GLCE: variants seen among roughly 807,000 people sequenced by gnomAD.
The protein encoded by GLCE is glucuronic acid epimerase.
A neutral mutation model predicts 47.9 loss-of-function variants in GLCE; 19 were observed. The observed-to-expected ratio is 0.40, with a 90% CI of 0.28 to 0.58. The LOEUF is 0.58. Ranked by LOEUF, GLCE falls within the 20% of genes least tolerant of loss-of-function variation. The pLI is 0.48. For synonymous variants in GLCE, 245 were observed against 263.4 expected (o/e 0.93, Z 0.68); for missense variants, 556 against 743.3 (o/e 0.75, Z 2.93).
intron 2 of GLCE, among the ~76,000 whole-genome samples, chr15:69,233,837 T>A (rs968873173): frequency 2.6e-5 from 4 of 152,312 alleles, no homozygotes; most frequent in Middle Eastern, 3.4e-3. Flanking sequence ...ATAATTTAAA[T>A]TCTGTCTTAA....
At chr15:69,210,630 C>T (rs1017881405) in intron 2 of GLCE, among the ~76,000 whole-genome samples, 1 of 152,036 alleles carries the variant, frequency 6.6e-6, no homozygotes, top group Non-Finnish European at 1.5e-5. Context: ...TTCATGGTTT[C>T]TTTACCACTT....
At chr15:69,185,445 A>G (rs915197065) in intron 1 of GLCE, among the ~76,000 whole-genome samples, 3 of 152,090 alleles carry the variant, frequency 2.0e-5, no homozygotes, top group Non-Finnish European at 4.4e-5. Flanking sequence ...CGTTGTGGTA[A>G]AGTAGAAAGT....
intron 3 of GLCE, among the ~76,000 whole-genome samples, chr15:69,258,032 G>T (rs944156683): frequency 1.3e-5 from 2 of 151,510 alleles, no homozygotes; most frequent in African/African-American, 4.9e-5. Context: ...GGGTACATGT[G>T]CAGTTTTGTT....
At chr15:69,164,071 C>G (rs1266952791) in intron 1 of GLCE, among the ~76,000 whole-genome samples, 2 of 151,108 alleles carry the variant, frequency 1.3e-5, no homozygotes, top group African/African-American at 4.8e-5. Flanking sequence ...CCTGAGTTTG[C>G]AAAAGGAAGT....
chr15:69,267,936 TCAA>T (rs1453748790), intron 4 of GLCE, among the ~76,000 whole-genome samples: 1 of 151,852 alleles, frequency 6.6e-6, no homozygotes, highest in Non-Finnish European at 1.5e-5. Context: ...GCAGTTTTGA[TCAA>T]CAATACCTTA....
chr15:69,187,207 T>A (rs968835552), intron 1 of GLCE, among the ~76,000 whole-genome samples: 4 of 152,184 alleles, frequency 2.6e-5, no homozygotes, highest in African/African-American at 9.7e-5. Flanking sequence ...CCTTTTTGTT[T>A]TGAGCTAGTC....
At chr15:69,171,752 A>G (rs539263523) in intron 1 of GLCE, among the ~76,000 whole-genome samples, 7 of 152,198 alleles carry the variant, frequency 4.6e-5, no homozygotes, top group African/African-American at 1.7e-4. Flanking sequence ...GGGAATGACT[A>G]TTGTTTACTG....
At chr15:69,218,015 G>A (rs867264629) in intron 2 of GLCE, among the ~76,000 whole-genome samples, 2 of 151,796 alleles carry the variant, frequency 1.3e-5, no homozygotes, top group African/African-American at 4.8e-5. Flanking sequence ...TTAGCCGGGC[G>A]TGGTGGTGCG....
intron 1 of GLCE, among the ~76,000 whole-genome samples, chr15:69,190,290 A>C (rs1482555133): frequency 6.6e-6 from 1 of 152,052 alleles, no homozygotes; most frequent in Non-Finnish European, 1.5e-5. Flanking sequence ...GGATTCTATA[A>C]ATGTTAATTA....
chr15:69,235,093 C>CTTTTTTTTTTTTTTTTTTTTT (rs869212730), intron 2 of GLCE, among the ~76,000 whole-genome samples: 1 of 62,878 alleles, frequency 1.6e-5, no homozygotes, highest in Non-Finnish European at 2.6e-5. Flanking sequence ...GAAGATTATT[C>CTTTTTTTTTTTTTTTTTTTTT]TTTTTTTTTT....
rs1001774353 is a variant in GLCE, at chr15:69,178,340, C to T, written c.-105+17583C>T. Among the ~76,000 whole-genome samples, 24 of 152,196 alleles carry T rather than the reference C, an allele frequency of 1.6e-4. 1 individual carries two copies. The highest frequency in any genetic ancestry group is 9.2e-4 in the Admixed American group (14 of 15,274). The stretch of plus-strand genomic sequence containing the variant: ...TATTTTTGGAAAGCTGAACAAAAAA[C>T]TTAATATGTTGTTTAAAATTTAAAC... On this transcript the variant is annotated intron_variant, in intron 1 of 4. Transcript: ENST00000261858.
intron 1 of GLCE, among the ~76,000 whole-genome samples, chr15:69,208,101 T>G (rs942237395): frequency 1.3e-5 from 2 of 152,052 alleles, no homozygotes; most frequent in South Asian, 4.1e-4. Context: ...CTTGTCCTTA[T>G]GTTATGTTAA....
At chr15:69,226,174 G>A (rs2052444920) in intron 2 of GLCE, among the ~76,000 whole-genome samples, 1 of 151,994 alleles carries the variant, frequency 6.6e-6, no homozygotes, top group African/African-American at 2.4e-5. Flanking sequence ...CTACCTTTAG[G>A]TGAATTGAGT....
In GLCE at chr15:69,256,168, G is replaced by A. The variant is rs1375533355; in HGVS notation, c.362G>A (p.Arg121Gln). Residue 121 changes from arginine (R) to glutamine (Q), a missense_variant, in exon 3 of 5, where the codon CGA (arginine) becomes CAA (glutamine). Physicochemically the swap from Arg to Gln is conservative, Grantham distance 43. Transcript: ENST00000261858. The stretch of plus-strand genomic sequence containing the variant: ...GATGAACACACAATTAAAGGGAGAC[G>A]AGAGGGGAACGAAGTCTTTCTTCCA... ...INDEHTIKGR[R>Q]EGNEVFLPFT... 6.2e-6 allele frequency: 10 copies of A among 1,613,882 alleles called. No homozygotes were observed. Among genetic ancestry groups the A allele is most frequent in the East Asian group, 2.2e-5 (1 of 44,892 alleles).
intron 2 of GLCE, among the ~76,000 whole-genome samples, chr15:69,247,980 A>G (rs1057514591): frequency 6.6e-6 from 1 of 152,234 alleles, no homozygotes; most frequent in Non-Finnish European, 1.5e-5. Flanking sequence ...GTGAGAATTC[A>G]GTAACATAGA....
intron 1 of GLCE, among the ~76,000 whole-genome samples, chr15:69,194,050 C>T (rs1266397256): frequency 1.3e-5 from 2 of 152,020 alleles, no homozygotes; most frequent in African/African-American, 4.8e-5. Context: ...AAATACTGTC[C>T]CACAAAGCCA....
At chr15:69,241,667 A>C (rs960015382) in intron 2 of GLCE, among the ~76,000 whole-genome samples, 15 of 152,222 alleles carry the variant, frequency 9.9e-5, no homozygotes, top group African/African-American at 3.6e-4. Context: ...AGTGGTTCTC[A>C]AAGTGTGATC....
chr15:69,202,855 T>A (rs1443195323), intron 1 of GLCE, among the ~76,000 whole-genome samples: 3 of 152,148 alleles, frequency 2.0e-5, no homozygotes, highest in Non-Finnish European at 2.9e-5. Flanking sequence ...TGATTTAACA[T>A]TATTTATGGA....
intron 2 of GLCE, among the ~76,000 whole-genome samples, chr15:69,245,033 A>G (rs142845966): frequency 6.6e-6 from 1 of 152,278 alleles, no homozygotes; most frequent in East Asian, 1.9e-4. Context: ...CATTATGTCT[A>G]AAAAATATAC....
Sources: gnomAD v4.1 joint callset for allele counts (sites outside exome capture counted in the v4.1 genomes callset) on GRCh38, gnomAD v4.1.1 for gene constraint, MANE v1.5 for transcripts, NCBI Gene and HGNC (gene_info 2026-07-23, HGNC 2026-07-21) for gene names.